Variants in MAPRE3 observed in about 807,000 individuals in gnomAD.
MAPRE3 encodes the protein microtubule associated protein RP/EB family member 3.
MAPRE3 carries 2 observed loss-of-function variants against 30.5 expected under a neutral mutation model. The observed-to-expected ratio is 0.07, with a 90% confidence interval of 0.03 to 0.21. The LOEUF (loss-of-function observed/expected upper bound fraction) is 0.21. Among genes scored for constraint, MAPRE3 ranks in the 10% least tolerant of loss-of-function variants. MAPRE3 has a pLI of 1.00. For synonymous variants in MAPRE3, 110 were observed against 127.7 expected, an observed-to-expected ratio of 0.86 and a Z score of 0.93; for missense variants, 204 against 351.8, an observed-to-expected ratio of 0.58 and a Z score of 3.36.
intron 1 of MAPRE3, chr2:27,002,042 G>A (rs761562413): frequency 3.3e-5 from 5 of 152,278 alleles, no homozygotes; most frequent in Admixed American, 6.5e-5. Flanking sequence ...TGTCTTAGGC[G>A]GCTGTGTTGC....
At chr2:27,012,636 C>T (rs1235642199) in intron 1 of MAPRE3, 2 of 152,684 alleles carry the variant, frequency 1.3e-5, no homozygotes, top group Non-Finnish European at 2.9e-5. Flanking sequence ...CTGACTGTCT[C>T]CACGTGGGGT....
In MAPRE3 at chr2:26,986,065, A is replaced by T. The variant is rs537149907; in HGVS notation, c.-8+15263A>T. On this transcript the variant is annotated intron_variant, in intron 1 of 6. Transcript: ENST00000233121. The surrounding 1 kb of genome is among the most constrained non-coding windows in gnomAD (Gnocchi z 4.2). Reference sequence around the variant, plus strand: ...CACAGGAAACTAATCCAGTGTGCCAAAATCAAGGTGTTGGCAAGGCTGTGT... The same window carrying T: ...CACAGGAAACTAATCCAGTGTGCCATAATCAAGGTGTTGGCAAGGCTGTGT... 1.4e-4 allele frequency among the ~76,000 whole-genome samples: 21 copies of T among 152,320 alleles called. No homozygotes were observed. The highest frequency in any genetic ancestry group is 5.1e-4 in the African/African-American group (21 of 41,578).
At chr2:27,011,391 C>A (rs1482782042) in intron 1 of MAPRE3, among the ~76,000 whole-genome samples, 1 of 152,116 alleles carries the variant, frequency 6.6e-6, no homozygotes, top group African/African-American at 2.4e-5. Flanking sequence ...TGCTTTGTGG[C>A]GTCCCTTGTT....
intron 1 of MAPRE3, among the ~76,000 whole-genome samples, chr2:26,983,402 G>A (rs1666156716): frequency 6.6e-6 from 1 of 152,160 alleles, no homozygotes; most frequent in Non-Finnish European, 1.5e-5. Flanking sequence ...GCAAGCCTCT[G>A]ATTGAACTTC....
At chr2:26,970,916 C>T (rs910503357) in intron 1 of MAPRE3, 114 bp downstream of exon 1, 2 of 151,502 alleles carry the variant, frequency 1.3e-5, no homozygotes, top group Admixed American at 1.3e-4. Flanking sequence ...ACCCGCACTC[C>T]CGCATCCCGA....
At chr2:27,000,566 G>GTA (rs1249099157) in intron 1 of MAPRE3, among the ~76,000 whole-genome samples, 3 of 152,248 alleles carry the variant, frequency 2.0e-5, no homozygotes, top group Admixed American at 6.5e-5. Context: ...ACCTAATAAT[G>GTA]TATGAAGTAC....
At chr2:26,999,363 C>T (rs1230597570) in intron 1 of MAPRE3, among the ~76,000 whole-genome samples, 1 of 151,768 alleles carries the variant, frequency 6.6e-6, no homozygotes, top group Non-Finnish European at 1.5e-5. Flanking sequence ...AGGATGATGT[C>T]AGTGAGAATG....
chr2:26,972,783 T>C (rs1665939754), intron 1 of MAPRE3, among the ~76,000 whole-genome samples: 1 of 152,194 alleles, frequency 6.6e-6, no homozygotes, highest in Non-Finnish European at 1.5e-5. Context: ...TCCTTTCCAG[T>C]TTGCTATGGG....
intron 1 of MAPRE3, among the ~76,000 whole-genome samples, chr2:27,006,918 A>G (rs1326875427): frequency 6.6e-6 from 1 of 152,224 alleles, no homozygotes; most frequent in African/African-American, 2.4e-5. Flanking sequence ...AACTGTGGGA[A>G]GTTAGATACA....
intron 1 of MAPRE3, among the ~76,000 whole-genome samples, chr2:27,011,378 T>C (rs545404579): frequency 6.6e-5 from 10 of 152,300 alleles, no homozygotes; most frequent in African/African-American, 2.4e-4. Context: ...ACTTCATATA[T>C]TCTGCTTTGT....
chr2:26,976,330 A>G (rs1173445912), intron 1 of MAPRE3, among the ~76,000 whole-genome samples: 1 of 152,244 alleles, frequency 6.6e-6, no homozygotes, highest in Non-Finnish European at 1.5e-5. Flanking sequence ...TATTATAGAA[A>G]GATGACACAC....
rs1454570749 is a variant in MAPRE3 at position 27,022,175 on chromosome 2, C to A, written c.-7-37C>A. 3.7e-6 allele frequency: 6 copies of A among 1,606,220 alleles called. No homozygotes were observed. In the Admixed American group the frequency reaches 8.4e-5, roughly 22 times the overall value. ...TTGACAGCTAAGGAGCTACATGAGG[C>A]CCCAGTGCTGACCTCACCTTTCTTC... is the stretch of plus-strand genomic sequence containing the variant. On this transcript the variant is annotated intron_variant, in intron 1 of 6. Transcript: ENST00000233121.
At chr2:27,018,422 C>T (rs1412020586) in intron 1 of MAPRE3, among the ~76,000 whole-genome samples, 1 of 152,192 alleles carries the variant, frequency 6.6e-6, no homozygotes, top group Non-Finnish European at 1.5e-5. Flanking sequence ...CACTGTGGCC[C>T]TGGGGTCATT....
chr2:27,007,913 T>A (rs1305522876), intron 1 of MAPRE3, among the ~76,000 whole-genome samples: 1 of 152,246 alleles, frequency 6.6e-6, no homozygotes, highest in Non-Finnish European at 1.5e-5. Flanking sequence ...TGAGCAGATG[T>A]CTATCCCCAC....
chr2:27,017,213 C>T (rs1490630903), intron 1 of MAPRE3, among the ~76,000 whole-genome samples: 2 of 152,294 alleles, frequency 1.3e-5, no homozygotes, highest in Middle Eastern at 3.4e-3. Context: ...CCCTGGGTGC[C>T]CTGGATGAGT....
chr2:27,019,470 C>T (rs1018731523), intron 1 of MAPRE3, among the ~76,000 whole-genome samples: 4 of 152,152 alleles, frequency 2.6e-5, no homozygotes, highest in Non-Finnish European at 5.9e-5. Context: ...TTCAACGTTA[C>T]TGAACGTCTT....
chr2:27,006,604 T>A (rs535917364), intron 1 of MAPRE3, among the ~76,000 whole-genome samples: 24 of 152,192 alleles, frequency 1.6e-4, no homozygotes, highest in Admixed American at 3.9e-4. Context: ...CTATTTTTTT[T>A]AAAATTTTTT....
At chr2:26,974,529 T>C (rs1294945692) in intron 1 of MAPRE3, among the ~76,000 whole-genome samples, 1 of 152,194 alleles carries the variant, frequency 6.6e-6, no homozygotes, top group Non-Finnish European at 1.5e-5. Flanking sequence ...AGGAGGAGCG[T>C]GCACATTGGG....
In MAPRE3 at chr2:26,989,315, G is replaced by A. The variant is rs552993696; in HGVS notation, c.-8+18513G>A. Among the ~76,000 whole-genome samples the A allele has an allele frequency of 9.9e-5, 15 of 152,262 alleles. No homozygotes were observed. The South Asian group carries it at 1.2e-3, about 13-fold the overall frequency. On this transcript the variant is annotated intron_variant, in intron 1 of 6. Transcript: ENST00000233121. The stretch of plus-strand genomic sequence containing the variant: ...TTGTGGTCAGGGAAAGAAATGACTC[G>A]TCTCTGCATGAGCTGGGTGCTGTGC...
Sources: allele counts gnomAD v4.1 joint callset (sites outside exome capture counted in the v4.1 genomes callset), GRCh38; gene constraint gnomAD v4.1.1; non-coding constraint Gnocchi (gnomAD v3.1); transcripts MANE v1.5; gene names NCBI Gene and HGNC (gene_info 2026-07-23, HGNC 2026-07-21).